Variants in LMTK3 observed in about 807,000 individuals in gnomAD.
LMTK3 encodes lemur tail kinase 3.
A neutral mutation model predicts 116.7 loss-of-function variants in LMTK3; 27 were observed. The observed-to-expected ratio is 0.23, with a 90% CI of 0.17 to 0.32. The LOEUF (loss-of-function observed/expected upper bound fraction) is 0.32, where lower values mean the gene tolerates loss of function less well. Ranked by LOEUF, LMTK3 falls within the 10% of genes least tolerant of loss-of-function variation. The pLI, the probability that LMTK3 is intolerant of heterozygous loss-of-function variation, is 1.00. For missense variants in LMTK3, 1,764 were observed against 2,068.5 expected (o/e 0.85, Z 2.86); for synonymous variants, 965 against 971.0 (o/e 0.99, Z 0.11).
chr19:48,502,411 C>G, intron 7 of LMTK3, 22 bp downstream of exon 7: 2 of 1,605,954 alleles, frequency 1.2e-6, no homozygotes, highest in South Asian at 1.1e-5. Context: ...TAGCTCCTCC[C>G]GCGGCTCCCC....
Position 48,510,034 on chromosome 19 carries a change from G to T in LMTK3, c.350C>A (p.Pro117His). The T allele has an allele frequency of 6.2e-7, 1 of 1,613,972 alleles. No individual in the cohort carries two copies. The highest frequency in any genetic ancestry group is 1.7e-4 in the Middle Eastern group (1 of 6,060). The change falls in exon 3 of 15, where the codon CCT (proline) becomes CAT (histidine). Residue 117 changes from proline (P) to histidine (H), a missense_variant. By Grantham distance (77) the Pro-to-His change is moderately conservative (BLOSUM62 -2). This residue lies in a region of LMTK3 where 271 missense variants were observed against 478.2 expected (regional missense o/e 0.57). Coordinates refer to ENST00000600059, the MANE Select transcript of LMTK3 (RefSeq NM_001388485.1). ...EVSLPMPAPQPSHSDMTTPLG... is the reference protein window; with the variant it reads ...EVSLPMPAPQHSHSDMTTPLG... ...GCGTGGGGCAGTACCTGAGTGTGAA[G>T]GCTGCGGGGCAGGCATTGGCAGGGA...
chr19:48,491,182 A>T lies in LMTK3; in HGVS notation c.4292T>A (p.Phe1431Tyr). The T allele has an allele frequency of 2.2e-6, 3 of 1,365,404 alleles. No individual in the cohort carries two copies. In the African/African-American group the frequency reaches 4.7e-5, roughly 21 times the overall value. 84.6% of individuals were successfully genotyped at this position (1,365,404 alleles called of 1,614,324 possible). ...CGCAGGCGAGACGGAGAAGCGGGAG[A>T]AGCACAGCGGGGGGCCTGGAGGGGG... ...LLPPPGPPLC[F>Y]SRFSVSPALE... Residue 1431 changes from phenylalanine to tyrosine, a missense_variant, in exon 14 of 15, where the codon TTC (phenylalanine) becomes TAC (tyrosine). Phe to Tyr is a conservative substitution (Grantham distance 22, BLOSUM62 3). This residue lies in a region of LMTK3 where 281 missense variants were observed against 301.4 expected (regional missense o/e 0.93). Coordinates refer to ENST00000600059, the MANE Select transcript of LMTK3 (RefSeq NM_001388485.1). This position sits in a 1 kb window ranked among gnomAD's most constrained non-coding sequence, Gnocchi z 5.1.
chr19:48,494,485 A>G lies in LMTK3; in HGVS notation c.3677-376T>C, dbSNP rs1972290352. ...TGGGACTACAGGCGCACGTGCCACC[A>G]TGCCCGGCTAATTTTTTGTATTTTT... On this transcript the variant is annotated intron_variant, in intron 11 of 14. Coordinates refer to ENST00000600059, the MANE Select transcript of LMTK3 (RefSeq NM_001388485.1). This position sits in a 1 kb window ranked among gnomAD's most constrained non-coding sequence, Gnocchi z 4.0. Among the ~76,000 whole-genome samples, 2 of 152,078 alleles carry G rather than the reference A, an allele frequency of 1.3e-5. No individual in the cohort carries two copies. Among genetic ancestry groups the G allele is most frequent in the Admixed American group, 1.3e-4 (2 of 15,264 alleles).
rs1332006641 is a variant in LMTK3, at chr19:48,498,630, G to C, written c.2439C>G (p.Ala813=). The C allele has an allele frequency of 1.5e-4, 227 of 1,541,982 alleles. No homozygotes were observed. Among genetic ancestry groups the C allele is most frequent in the Non-Finnish European group, 1.9e-4 (217 of 1,143,874 alleles). The change falls in exon 11 of 15, where the codon GCC becomes GCG. Residue 813 remains alanine (A), a synonymous_variant. Transcript: ENST00000600059. ...GCGGCCGAGGGACCCCTTCCTCCTCGGCCGCCCCCCCACCTGGGAAGGCTC... is the reference window on the plus strand; with the variant it reads ...GCGGCCGAGGGACCCCTTCCTCCTCCGCCGCCCCCCCACCTGGGAAGGCTC... ...PEGAFPGGGA[A]EEEGVPRPRA...
chr19:48,501,520 G>C lies in LMTK3; in HGVS notation c.837C>G (p.Thr279=). The stretch of plus-strand genomic sequence containing the variant: ...CCAGCCCGTAGTCTCCGATGCGCAC[G>C]GTCAGGTCAGAGGTCAGCAGGCAGT... The part of the protein sequence containing the change: ...LRNCLLTSDL[T]VRIGDYGLAH... Residue 279 remains threonine, a synonymous_variant, in exon 8 of 15, where the codon ACC becomes ACG. Coordinates refer to ENST00000600059, the MANE Select transcript of LMTK3 (RefSeq NM_001388485.1). 6.2e-7 allele frequency: 1 copy of C among 1,612,242 alleles called. No individual in the cohort carries two copies. The highest frequency in any genetic ancestry group is 8.5e-7 in the Non-Finnish European group (1 of 1,179,280).
At position 48,501,160 on chromosome 19, in the gene LMTK3, G is replaced by C; in HGVS notation, c.1002-15C>G. On this transcript the variant is annotated splice_polypyrimidine_tract_variant and intron_variant, in intron 9 of 14. Coordinates refer to ENST00000600059, the MANE Select transcript of LMTK3 (RefSeq NM_001388485.1). The stretch of plus-strand genomic sequence containing the variant: ...CCCCCAGGGACCTGCAGAGAGCAGA[G>C]AGAGGTCAGAGCCCAGCCCTGACCC... 1 of 1,610,680 alleles carries C rather than the reference G, an allele frequency of 6.2e-7. No individual in the cohort carries two copies. Among genetic ancestry groups the C allele is most frequent in the South Asian group, 1.1e-5 (1 of 90,624 alleles).
chr19:48,505,236 C>T (rs1476154948), intron 5 of LMTK3, among the ~76,000 whole-genome samples: 2 of 150,656 alleles, frequency 1.3e-5, no homozygotes, highest in Non-Finnish European at 3.0e-5. Context: ...GCCTCATCCT[C>T]CTGAGTAGCT....
chr19:48,500,427 A>G lies in LMTK3; in HGVS notation c.1152-510T>C, dbSNP rs550963002. Among the ~76,000 whole-genome samples, 14 of 151,546 alleles carry G rather than the reference A, an allele frequency of 9.2e-5. No individual in the cohort carries two copies. The South Asian group carries it at 2.9e-3, about 32-fold the overall frequency. ...CAACAAAAGCAAAAATCTGCCAAAA[A>G]AAAAGAAAGAGAGAGAGGGACAGAG... On this transcript the variant is annotated intron_variant, in intron 10 of 14. Coordinates refer to ENST00000600059, the MANE Select transcript of LMTK3 (RefSeq NM_001388485.1). The surrounding 1 kb of genome is among the most constrained non-coding windows in gnomAD (Gnocchi z 4.0).
In LMTK3 at chr19:48,497,799, C is replaced by T. The variant is rs1176180635; in HGVS notation, c.3270G>A (p.Arg1090=). The change falls in exon 11 of 15, where the codon AGG becomes AGA. Residue 1090 remains arginine, a synonymous_variant. Coordinates refer to ENST00000600059, the MANE Select transcript of LMTK3 (RefSeq NM_001388485.1). This position sits in a 1 kb window ranked among gnomAD's most constrained non-coding sequence, Gnocchi z 5.7. The part of the protein sequence containing the change: ...KNGTLEPGTE[R]RAPETGGAPR... ...GCGCCCCCCCAGTCTCGGGGGCTCT[C>T]CTCTCGGTCCCGGGTTCCAGCGTCC... 3.2e-5 allele frequency: 45 copies of T among 1,387,442 alleles called. No individual in the cohort carries two copies. The highest frequency in any genetic ancestry group is 3.9e-5 in the Non-Finnish European group (42 of 1,076,876). The allele number at this position is 1,387,442 out of a possible 1,614,324, so 85.9% of individuals were successfully genotyped here.
chr19:48,512,236 G>C (rs900158091), upstream of LMTK3, among the ~76,000 whole-genome samples: 2 of 152,100 alleles, frequency 1.3e-5, no homozygotes, highest in Non-Finnish European at 2.9e-5. Flanking sequence ...ACAGCCATCA[G>C]CAGACGGGGA....
Position 48,497,961 on chromosome 19 carries a change from A to C in LMTK3, c.3108T>G (p.Ser1036Arg). ...APGPWEKTPE[S>R]WGPAPTIGEP... ...CCCCGATCGTGGGGGCTGGACCCCA[A>C]CTCTCGGGCGTCTTCTCCCAGGGCC... The change falls in exon 11 of 15, where the codon AGT becomes AGG. Residue 1036 changes from serine to arginine, a missense_variant. This residue lies in a region of LMTK3 where 1,028 missense variants were observed against 1,050.6 expected (regional missense o/e 0.98). Coordinates refer to ENST00000600059, the MANE Select transcript of LMTK3 (RefSeq NM_001388485.1). The surrounding 1 kb of genome is among the most constrained non-coding windows in gnomAD (Gnocchi z 5.7). 1 of 1,589,216 alleles carries C rather than the reference A, an allele frequency of 6.3e-7. No homozygotes were observed. Among genetic ancestry groups the C allele is most frequent in the Non-Finnish European group, 8.5e-7 (1 of 1,170,464 alleles).
At position 48,501,142 on chromosome 19, in the gene LMTK3, G is replaced by T. The variant is rs1429042349; in HGVS notation, c.1005C>A (p.Ser335=). 1 of 1,611,062 alleles carries T rather than the reference G, an allele frequency of 6.2e-7. No individual in the cohort carries two copies. The highest frequency in any genetic ancestry group is 8.5e-7 in the Non-Finnish European group (1 of 1,178,678). The change falls in exon 10 of 15, where the codon TCC becomes TCA. Residue 335 remains serine (S), a synonymous_variant. Coordinates refer to ENST00000600059, the MANE Select transcript of LMTK3 (RefSeq NM_001388485.1). ...VDQSRESNIW[S]LGVTLWELFE... is the part of the protein sequence containing the mutation. ...ACAGCTCCCACAGGGTCACCCCCAG[G>T]GACCTGCAGAGAGCAGAGAGAGGTC...
intron 14 of LMTK3, among the ~76,000 whole-genome samples, chr19:48,490,618 C>T (rs1250623345): frequency 6.6e-6 from 1 of 151,902 alleles, no homozygotes; most frequent in Non-Finnish European, 1.5e-5. Context: ...TGTGGTGAGG[C>T]ACTGCAGGGT....
intron 1 of LMTK3, among the ~76,000 whole-genome samples, chr19:48,511,297 A>T (rs1457458474): frequency 6.6e-6 from 1 of 152,104 alleles, no homozygotes; most frequent in East Asian, 1.9e-4. Flanking sequence ...GCCCAAACGG[A>T]GCCCCCTCCC....
chr19:48,489,495 C>T (rs1489715824), intron 14 of LMTK3, among the ~76,000 whole-genome samples: 2 of 152,136 alleles, frequency 1.3e-5, no homozygotes, highest in Admixed American at 1.3e-4. Flanking sequence ...ATCGCTTGAA[C>T]CCGGGAGGTG....
chr19:48,492,306 A>G (rs1238304775), intron 12 of LMTK3, among the ~76,000 whole-genome samples: 1 of 152,114 alleles, frequency 6.6e-6, no homozygotes, highest in Non-Finnish European at 1.5e-5. Flanking sequence ...CTCCCACCTG[A>G]GCCTCCTAAG....
chr19:48,494,832 A>G lies in LMTK3; in HGVS notation c.3677-723T>C, dbSNP rs1972298055. Among the ~76,000 whole-genome samples the G allele has an allele frequency of 6.6e-6, 1 of 151,956 alleles. No homozygotes were observed. Among genetic ancestry groups the G allele is most frequent in the East Asian group, 1.9e-4 (1 of 5,182 alleles). On this transcript the variant is annotated intron_variant, in intron 11 of 14. Transcript: ENST00000600059. This position sits in a 1 kb window ranked among gnomAD's most constrained non-coding sequence, Gnocchi z 4.0. Reference sequence around the variant, plus strand: ...TACTCAAGTTTTACTACCTTTTGCTATTCTCTAAACATGGTGAGCCAGTGC... The same window carrying G: ...TACTCAAGTTTTACTACCTTTTGCTGTTCTCTAAACATGGTGAGCCAGTGC...
At chr19:48,505,838 G>A (rs942695677) in intron 5 of LMTK3, among the ~76,000 whole-genome samples, 2 of 144,270 alleles carry the variant, frequency 1.4e-5, no homozygotes, top group Admixed American at 7.1e-5. Context: ...TCCAGCCTGG[G>A]CAACAAGATT....
chr19:48,486,450 C>A (rs1195542572), intron 14 of LMTK3, among the ~76,000 whole-genome samples: 1 of 152,104 alleles, frequency 6.6e-6, no homozygotes, highest in Non-Finnish European at 1.5e-5. Flanking sequence ...AAGCAGTCAC[C>A]CCTGCACGCT....
Sources: gnomAD v4.1 joint callset for allele counts (sites outside exome capture counted in the v4.1 genomes callset) on GRCh38, gnomAD v4.1.1 for gene constraint, gnomAD v4.1.1 regional missense constraint, Gnocchi (gnomAD v3.1) non-coding constraint, MANE v1.5 for transcripts, NCBI Gene and HGNC (gene_info 2026-07-23, HGNC 2026-07-21) for gene names.